Variants in IGSF3 observed in about 807,000 individuals in gnomAD.
IGSF3 encodes glu-Trp-Ile EWI motif-containing protein 3.
Under a neutral mutation model 114.4 loss-of-function variants are expected in IGSF3, and 23 were observed. The ratio of observed to expected loss-of-function variants is 0.20; its 90% CI spans 0.14 to 0.28. The LOEUF (loss-of-function observed/expected upper bound fraction) is 0.28, where lower values mean the gene tolerates loss of function less well. IGSF3 is among the 10% of genes least tolerant of loss of function. The pLI is 1.00. For missense variants in IGSF3, 1,172 were observed against 1,591.5 expected, an observed-to-expected ratio of 0.74 and a Z score of 4.48; for synonymous variants, 571 against 645.2, an observed-to-expected ratio of 0.88 and a Z score of 1.74.
intron 2 of IGSF3, among the ~76,000 whole-genome samples, chr1:116,622,958 G>C (rs1661465953): frequency 6.6e-6 from 1 of 152,216 alleles, no homozygotes; most frequent in Non-Finnish European, 1.5e-5. Flanking sequence ...TTAAAAATGG[G>C]AACTGAACTG....
chr1:116,613,897 A>T lies in IGSF3; in HGVS notation c.700T>A (p.Phe234Ile), dbSNP rs761070818. 1.7e-5 allele frequency: 28 copies of T among 1,613,962 alleles called. No homozygotes were observed. Among genetic ancestry groups the T allele is most frequent in the Non-Finnish European group, 2.3e-5 (27 of 1,179,858 alleles). Residue 234 changes from phenylalanine to isoleucine, a missense_variant, in exon 4 of 11, where the codon TTC (phenylalanine) becomes ATC (isoleucine). This residue lies in a region of IGSF3 where 736 missense variants were observed against 1,042.0 expected (regional missense o/e 0.71). Transcript: ENST00000369486. ...LGRTTFRLTI[F>I]HLQPSDQGEF... is the part of the protein sequence containing the mutation. Reference sequence around the variant, plus strand: ...CCCTGGTCAGAAGGCTGCAGGTGGAAGATGGTGAGGCGGAAGGTGGTCCTC... The same window carrying T: ...CCCTGGTCAGAAGGCTGCAGGTGGATGATGGTGAGGCGGAAGGTGGTCCTC...
chr1:116,632,592 C>T lies in IGSF3; in HGVS notation c.44-16135G>A, dbSNP rs1393532408. On this transcript the variant is annotated intron_variant, in intron 2 of 10. Coordinates refer to ENST00000369486, the MANE Select transcript of IGSF3 (RefSeq NM_001007237.3). The surrounding 1 kb of genome is among the most constrained non-coding windows in gnomAD (Gnocchi z 5.1). The stretch of plus-strand genomic sequence containing the variant: ...TCGTGTTTAATTCTTCCCAGTAATC[C>T]TTTTTCAGGCATATATTTTTGTCTC... Among the ~76,000 whole-genome samples, 1 of 152,164 alleles carries T rather than the reference C, an allele frequency of 6.6e-6. No individual in the cohort carries two copies. Among genetic ancestry groups the T allele is most frequent in the African/African-American group, 2.4e-5 (1 of 41,432 alleles).
rs573453858 is a variant in IGSF3 at position 116,665,373 on chromosome 1, A to T, written c.43+911T>A. Among the ~76,000 whole-genome samples the T allele has an allele frequency of 6.6e-6, 1 of 152,316 alleles. No homozygotes were observed. The highest frequency in any genetic ancestry group is 6.5e-5 in the Admixed American group (1 of 15,298). Reference sequence around the variant, plus strand: ...GAGGACCGAGCCTTACAGAGAGGGCAGGGGGTGTGCTCATGTATGAGGTCT... The same window carrying T: ...GAGGACCGAGCCTTACAGAGAGGGCTGGGGGTGTGCTCATGTATGAGGTCT... On this transcript the variant is annotated intron_variant, in intron 2 of 10. Transcript: ENST00000369486. The surrounding 1 kb of genome is among the most constrained non-coding windows in gnomAD (Gnocchi z 4.0).
chr1:116,602,238 C>T (rs1203488747), intron 6 of IGSF3, among the ~76,000 whole-genome samples: 1 of 152,106 alleles, frequency 6.6e-6, no homozygotes, highest in Non-Finnish European at 1.5e-5. Flanking sequence ...GCTGTGAGAA[C>T]CACCAGACAT....
chr1:116,580,225 A>T (rs1659542951), intron 9 of IGSF3, among the ~76,000 whole-genome samples: 1 of 152,226 alleles, frequency 6.6e-6, no homozygotes, highest in South Asian at 2.1e-4. Context: ...TTTTCACTGT[A>T]ACCCCTTGTA....
intron 2 of IGSF3, among the ~76,000 whole-genome samples, chr1:116,630,042 C>G (rs1410250684): frequency 6.6e-6 from 1 of 152,214 alleles, no homozygotes; most frequent in Admixed American, 6.5e-5. Flanking sequence ...CTGACTTACA[C>G]AGAGCCAAGG....
chr1:116,614,480 A>C lies in IGSF3; in HGVS notation c.422-305T>G, dbSNP rs1209172380. On this transcript the variant is annotated intron_variant, in intron 3 of 10. Transcript: ENST00000369486. This position sits in a 1 kb window ranked among gnomAD's most constrained non-coding sequence, Gnocchi z 4.5. ...AACTCCCTGAAAATACTGTCTTTAAACAATTGTCTTATAGGTCAAATAACA... is the reference window on the plus strand; with the variant it reads ...AACTCCCTGAAAATACTGTCTTTAACCAATTGTCTTATAGGTCAAATAACA... Among the ~76,000 whole-genome samples, 4 of 152,226 alleles carry C rather than the reference A, an allele frequency of 2.6e-5. No individual in the cohort carries two copies. The highest frequency in any genetic ancestry group is 4.8e-5 in the African/African-American group (2 of 41,454).
chr1:116,602,979 G>A (rs1660656704), intron 6 of IGSF3, among the ~76,000 whole-genome samples: 1 of 152,202 alleles, frequency 6.6e-6, no homozygotes, highest in African/African-American at 2.4e-5. Context: ...CCGTCAGGTA[G>A]TAGAAACTTC....
Position 116,634,410 on chromosome 1 carries a change from C to T in IGSF3, c.44-17953G>A, listed in dbSNP as rs1423015007. 6.6e-6 allele frequency among the ~76,000 whole-genome samples: 1 copy of T among 151,862 alleles called. No homozygotes were observed. ...CACTTCTTTCCCATCCTCACTCGTT[C>T]ACATCTGCCTTGGAGCACCCACAGC... On this transcript the variant is annotated intron_variant, in intron 2 of 10. Transcript: ENST00000369486. The surrounding 1 kb of genome is among the most constrained non-coding windows in gnomAD (Gnocchi z 4.2).
rs1207348838 is a variant in IGSF3, at chr1:116,644,950, G to A, written c.43+21334C>T. Among the ~76,000 whole-genome samples, 3 of 152,096 alleles carry A rather than the reference G, an allele frequency of 2.0e-5. No homozygotes were observed. Among genetic ancestry groups the A allele is most frequent in the African/African-American group, 7.2e-5 (3 of 41,398 alleles). On this transcript the variant is annotated intron_variant, in intron 2 of 10. Coordinates refer to ENST00000369486, the MANE Select transcript of IGSF3 (RefSeq NM_001007237.3). The surrounding 1 kb of genome is among the most constrained non-coding windows in gnomAD (Gnocchi z 5.6). ...GGAGGTAGGATGGTGCAGCCACTTT[G>A]GAAAACAGTCTGGTAGTTTCTTTCA...
rs1457617411 is a variant in IGSF3, at chr1:116,593,916, C to A, written c.2030-4812G>T. Among the ~76,000 whole-genome samples, 2 of 152,212 alleles carry A rather than the reference C, an allele frequency of 1.3e-5. No individual in the cohort carries two copies. The highest frequency in any genetic ancestry group is 4.8e-5 in the African/African-American group (2 of 41,452). On this transcript the variant is annotated intron_variant, in intron 7 of 10. Transcript: ENST00000369486. The surrounding 1 kb of genome is among the most constrained non-coding windows in gnomAD (Gnocchi z 4.5). The stretch of plus-strand genomic sequence containing the variant: ...AAATTGTATCTGGGACAACTCCATG[C>A]AACAAAACTCTGCCTCGTGTCCTGT...
chr1:116,629,900 A>G lies in IGSF3; in HGVS notation c.44-13443T>C, dbSNP rs1647478503. Among the ~76,000 whole-genome samples, 1 of 152,194 alleles carries G rather than the reference A, an allele frequency of 6.6e-6. No individual in the cohort carries two copies. Among genetic ancestry groups the G allele is most frequent in the African/African-American group, 2.4e-5 (1 of 41,432 alleles). On this transcript the variant is annotated intron_variant, in intron 2 of 10. Coordinates refer to ENST00000369486, the MANE Select transcript of IGSF3 (RefSeq NM_001007237.3). The surrounding 1 kb of genome is among the most constrained non-coding windows in gnomAD (Gnocchi z 4.3). ...TTGCTTCTTCCAATTGGATGCCTTC[A>G]TGAGGCATTAACAGAGACTGTGAGC...
At chr1:116,667,366 A>C (rs1649378747) in intron 1 of IGSF3, among the ~76,000 whole-genome samples, 1 of 152,010 alleles carries the variant, frequency 6.6e-6, no homozygotes, top group South Asian at 2.1e-4. Context: ...TTTACCTTGC[A>C]GGGTGTTTAT....
intron 4 of IGSF3, among the ~76,000 whole-genome samples, chr1:116,613,266 T>TA (rs971174750): frequency 1.3e-5 from 2 of 152,196 alleles, no homozygotes; most frequent in African/African-American, 2.4e-5. Context: ...TATTATTAGA[T>TA]AAAAAATAAT....
At position 116,610,761 on chromosome 1, in the gene IGSF3, G is replaced by C. The variant is rs1660989536; in HGVS notation, c.833-2430C>G. Reference sequence around the variant, plus strand: ...GTCCTTTCCCATTTTTACCCCATGGGCTCTTCCAGGGCCCTGATCACTCTC... The same window carrying C: ...GTCCTTTCCCATTTTTACCCCATGGCCTCTTCCAGGGCCCTGATCACTCTC... On this transcript the variant is annotated intron_variant, in intron 4 of 10. Coordinates refer to ENST00000369486, the MANE Select transcript of IGSF3 (RefSeq NM_001007237.3). The surrounding 1 kb of genome is among the most constrained non-coding windows in gnomAD (Gnocchi z 4.3). Among the ~76,000 whole-genome samples the C allele has an allele frequency of 6.6e-6, 1 of 151,972 alleles. No homozygotes were observed. The highest frequency in any genetic ancestry group is 2.4e-5 in the African/African-American group (1 of 41,328).
In IGSF3 at chr1:116,581,320, CTT is replaced by C. The variant is rs955415319; in HGVS notation, c.2849-1445_2849-1444del. ...AACAGACTTGAATCTGTTTTGCTGT[CTT>C]TTTTTTTTTTTTTTTTTTTTTTTGG... On this transcript the variant is annotated intron_variant, in intron 9 of 10. Coordinates refer to ENST00000369486, the MANE Select transcript of IGSF3 (RefSeq NM_001007237.3). Among the ~76,000 whole-genome samples the C allele has an allele frequency of 9.5e-3, 672 of 70,592 alleles. 9 individuals are homozygous for C. Among genetic ancestry groups the C allele is most frequent in the African/African-American group, 0.032 (603 of 18,774 alleles). 46.3% of individuals were successfully genotyped at this position (70,592 alleles called of 152,430 possible).
At position 116,665,923 on chromosome 1, in the gene IGSF3, C is replaced by T. The variant is rs967489013; in HGVS notation, c.43+361G>A. On this transcript the variant is annotated intron_variant, in intron 2 of 10. Coordinates refer to ENST00000369486, the MANE Select transcript of IGSF3 (RefSeq NM_001007237.3). This position sits in a 1 kb window ranked among gnomAD's most constrained non-coding sequence, Gnocchi z 4.0. ...CACTCCCAATTAGGAATCAATGCAGCCCAACAAAGAAGTGAAAACACCAGA... is the reference window on the plus strand; with the variant it reads ...CACTCCCAATTAGGAATCAATGCAGTCCAACAAAGAAGTGAAAACACCAGA... Among the ~76,000 whole-genome samples, 1 of 152,112 alleles carries T rather than the reference C, an allele frequency of 6.6e-6. No individual in the cohort carries two copies. Among genetic ancestry groups the T allele is most frequent in the Non-Finnish European group, 1.5e-5 (1 of 68,014 alleles).
intron 5 of IGSF3, 37 bp from the exon 6 acceptor site, chr1:116,604,062 A>G: frequency 1.3e-6 from 2 of 1,510,926 alleles, no homozygotes; most frequent in South Asian, 1.2e-5. Context: ...TGGAGGCTTT[A>G]TGGTCTCCAC....
At position 116,592,095 on chromosome 1, in the gene IGSF3, T is replaced by G. The variant is rs1440129683; in HGVS notation, c.2030-2991A>C. On this transcript the variant is annotated intron_variant, in intron 7 of 10. Coordinates refer to ENST00000369486, the MANE Select transcript of IGSF3 (RefSeq NM_001007237.3). This position sits in a 1 kb window ranked among gnomAD's most constrained non-coding sequence, Gnocchi z 4.5. ...GGCAATCTTCCTGCTCAAAGTGCTG[T>G]TCTCGGACCAGCAGCACTGGGAGCT... 6.6e-6 allele frequency among the ~76,000 whole-genome samples: 1 copy of G among 152,194 alleles called. No individual in the cohort carries two copies. Among genetic ancestry groups the G allele is most frequent in the Non-Finnish European group, 1.5e-5 (1 of 68,040 alleles).
Sources: gnomAD v4.1 joint callset for allele counts (sites outside exome capture counted in the v4.1 genomes callset) on GRCh38, gnomAD v4.1.1 for gene constraint, gnomAD v4.1.1 regional missense constraint, Gnocchi (gnomAD v3.1) non-coding constraint, MANE v1.5 for transcripts, NCBI Gene and HGNC (gene_info 2026-07-23, HGNC 2026-07-21) for gene names.